Variants in NECTIN1 observed in about 807,000 individuals in gnomAD.
NECTIN1 encodes nectin-1.
A neutral mutation model predicts 48.0 loss-of-function variants in NECTIN1; 23 were observed. The ratio of observed to expected loss-of-function variants is 0.48; its 90% CI spans 0.34 to 0.68. The LOEUF is 0.68. Ranked by LOEUF, NECTIN1 falls within the 30% of genes least tolerant of loss-of-function variation. The pLI is 0.01. For missense variants in NECTIN1, 591 were observed against 709.9 expected (o/e 0.83, Z 1.90); for synonymous variants, 270 against 288.9 (o/e 0.93, Z 0.66).
chr11:119,669,759 GA>G (rs1362291536), intron 5 of NECTIN1, among the ~76,000 whole-genome samples: 1 of 151,986 alleles, frequency 6.6e-6, no homozygotes, highest in Non-Finnish European at 1.5e-5. Context: ...CCTGCCCCCT[GA>G]AAGCCACTTC....
In NECTIN1 at chr11:119,647,382, T is replaced by G. The variant is rs147126663; in HGVS notation, c.1004-7370A>C. Among the ~76,000 whole-genome samples, 776 of 152,086 alleles carry G rather than the reference T, an allele frequency of 5.1e-3. 5 individuals carry two copies. The highest frequency in any genetic ancestry group is 6.8e-3 in the Non-Finnish European group (459 of 67,992). ...TTGTCATTAGGAGTAAGAAGGAACC[T>G]GAGCAAGGCCGACTCTGAACCCCCT... On this transcript the variant is annotated intron_variant, in intron 5 of 7. Coordinates refer to the NECTIN1 transcript ENST00000341398.
At chr11:119,682,171 G>A (rs1865070645) in intron 1 of NECTIN1, among the ~76,000 whole-genome samples, 2 of 152,192 alleles carry the variant, frequency 1.3e-5, no homozygotes, top group Non-Finnish European at 2.9e-5. Context: ...TAGATTGGGA[G>A]GTTTTCAGAC....
intron 4 of NECTIN1, among the ~76,000 whole-genome samples, chr11:119,676,000 C>T (rs1343412665): frequency 1.5e-5 from 2 of 129,260 alleles, no homozygotes; most frequent in East Asian, 2.3e-4. Context: ...AGTGAAAATC[C>T]GTCTCAAAGA....
At position 119,662,646 on chromosome 11, in the gene NECTIN1, A is replaced by C; in HGVS notation, c.*2101T>G. On this transcript the variant is annotated 3_prime_UTR_variant, in exon 6 of 6. Transcript: ENST00000264025. This position sits in a 1 kb window ranked among gnomAD's most constrained non-coding sequence, Gnocchi z 5.3. The stretch of plus-strand genomic sequence containing the variant: ...CTGGGATTGCCTCCTGCCTGGGGGA[A>C]AAGGGGACCAAGCAGAGGGGCCAGA... 2 of 985,590 alleles carry C rather than the reference A, an allele frequency of 2.0e-6. No individual in the cohort carries two copies. Among genetic ancestry groups the C allele is most frequent in the Non-Finnish European group, 2.4e-6 (2 of 829,976 alleles). 61.1% of individuals were successfully genotyped at this position (985,590 alleles called of 1,614,324 possible). A position where few individuals can be genotyped will look rare whatever the true frequency, so the allele number is the denominator to read the frequency against.
intron 5 of NECTIN1, among the ~76,000 whole-genome samples, chr11:119,653,534 G>A (rs371919487): frequency 2.0e-5 from 3 of 152,160 alleles, no homozygotes; most frequent in Admixed American, 2.0e-4. Context: ...GTCGTGGTGC[G>A]AGACGACGTC....
At chr11:119,706,352 G>C (rs1424259802) in intron 1 of NECTIN1, among the ~76,000 whole-genome samples, 1 of 152,208 alleles carries the variant, frequency 6.6e-6, no homozygotes, top group Non-Finnish European at 1.5e-5. Flanking sequence ...ATCCCACAGT[G>C]GGGAGGGCCA....
rs1864655011 is a variant in NECTIN1 at position 119,661,097 on chromosome 11, C to G, written c.*3650G>C. The G allele has an allele frequency of 1.0e-6, 1 of 984,992 alleles. No individual in the cohort carries two copies. Among genetic ancestry groups the G allele is most frequent in the African/African-American group, 1.7e-5 (1 of 57,278 alleles). The allele number at this position is 984,992 out of a possible 1,614,324, so 61.0% of individuals were successfully genotyped here. A position where few individuals can be genotyped will look rare whatever the true frequency, so the allele number is the denominator to read the frequency against. The stretch of plus-strand genomic sequence containing the variant: ...AAGTAAAAGGGGGTGATGCAAACAC[C>G]CCCCAGGTCAGAACCAGGAGGATCT... On this transcript the variant is annotated 3_prime_UTR_variant, in exon 6 of 6. Transcript: ENST00000264025.
At chr11:119,669,818 A>G (rs772142133) in intron 5 of NECTIN1, among the ~76,000 whole-genome samples, 11 of 152,112 alleles carry the variant, frequency 7.2e-5, no homozygotes, top group Non-Finnish European at 1.5e-4. Flanking sequence ...GACACAGCTC[A>G]AATAGCCCCT....
At chr11:119,679,136 A>G (rs951638263) in intron 1 of NECTIN1, among the ~76,000 whole-genome samples, 1 of 152,208 alleles carries the variant, frequency 6.6e-6, no homozygotes. Flanking sequence ...GTTAGTAAAC[A>G]TACGTCTGCA....
chr11:119,706,125 C>A (rs1865545640), intron 1 of NECTIN1, among the ~76,000 whole-genome samples: 1 of 152,242 alleles, frequency 6.6e-6, no homozygotes, highest in African/African-American at 2.4e-5. Flanking sequence ...CTCCTCTCTT[C>A]TTCCACCTTC....
chr11:119,686,246 C>T (rs920327503), intron 1 of NECTIN1, among the ~76,000 whole-genome samples: 1 of 152,208 alleles, frequency 6.6e-6, no homozygotes, highest in Non-Finnish European at 1.5e-5. Context: ...TGCACACCTC[C>T]CTCCACCTCA....
rs909310499 is a variant in NECTIN1 at position 119,661,133 on chromosome 11, C to T, written c.*3614G>A. The T allele has an allele frequency of 1.0e-6, 1 of 985,670 alleles. No individual in the cohort carries two copies. The highest frequency in any genetic ancestry group is 1.1e-4 in the East Asian group (1 of 8,826). 61.1% of individuals were successfully genotyped at this position (985,670 alleles called of 1,614,324 possible). A position where few individuals can be genotyped will look rare whatever the true frequency, so the allele number is the denominator to read the frequency against. On this transcript the variant is annotated 3_prime_UTR_variant, in exon 6 of 6. Coordinates refer to ENST00000264025, the MANE Select transcript of NECTIN1 (RefSeq NM_002855.5). ...GAACCAGGAGGATCTGCTGGGCTGT[C>T]CCTGGACCAAAGGCGGAAAGGGCGA...
intron 1 of NECTIN1, among the ~76,000 whole-genome samples, chr11:119,699,568 T>C (rs1322735482): frequency 1.3e-5 from 2 of 152,186 alleles, no homozygotes; most frequent in African/African-American, 4.8e-5. Flanking sequence ...GAGGCCTGGC[T>C]GGAGTCACAG....
At chr11:119,697,927 A>C (rs1424686322) in intron 1 of NECTIN1, among the ~76,000 whole-genome samples, 1 of 152,264 alleles carries the variant, frequency 6.6e-6, no homozygotes, top group African/African-American at 2.4e-5. Context: ...GCAGAGGCTG[A>C]AGCCCTCGGT....
Position 119,724,483 on chromosome 11 carries a change from A to G in NECTIN1, c.79+3992T>C, listed in dbSNP as rs1169375243. On this transcript the variant is annotated intron_variant, in intron 1 of 5. Coordinates refer to ENST00000264025, the MANE Select transcript of NECTIN1 (RefSeq NM_002855.5). ...CATCATAGAGGCTTCCCACCCCCCA[A>G]AGGACCCGGTAGTGTGTCCTAGAAG... is the stretch of plus-strand genomic sequence containing the variant. Among the ~76,000 whole-genome samples the G allele has an allele frequency of 2.0e-5, 3 of 152,158 alleles. No individual in the cohort carries two copies. In the East Asian group the frequency reaches 5.8e-4, roughly 29 times the overall value.
chr11:119,727,940 G>T lies in NECTIN1; in HGVS notation c.79+535C>A, dbSNP rs1407120698. Among the ~76,000 whole-genome samples the T allele has an allele frequency of 6.6e-6, 1 of 152,162 alleles. No homozygotes were observed. Among genetic ancestry groups the T allele is most frequent in the East Asian group, 1.9e-4 (1 of 5,174 alleles). Reference sequence around the variant, plus strand: ...AGGAGCCGCCTCTGCCGCAGCAGCCGACTCTCCGCGCCCGCTGTGGGGCGG... The same window carrying T: ...AGGAGCCGCCTCTGCCGCAGCAGCCTACTCTCCGCGCCCGCTGTGGGGCGG... On this transcript the variant is annotated intron_variant, in intron 1 of 5. Transcript: ENST00000264025. This position sits in a 1 kb window ranked among gnomAD's most constrained non-coding sequence, Gnocchi z 4.1.
rs1053934574 is a variant in NECTIN1, at chr11:119,661,188, G to C, written c.*3559C>G. The C allele has an allele frequency of 2.2e-5, 22 of 985,732 alleles. 2 individuals carry two copies. The Admixed American group carries it at 1.0e-3, about 47-fold the overall frequency. The allele number at this position is 985,732 out of a possible 1,614,324, so 61.1% of individuals were successfully genotyped here. ...ACGCCGAAGCAAGGTAGCGCATCAC[G>C]CTGGGAGGGGAGGGTGGCAGCTTCT... On this transcript the variant is annotated 3_prime_UTR_variant, in exon 6 of 6. Coordinates refer to ENST00000264025, the MANE Select transcript of NECTIN1 (RefSeq NM_002855.5).
chr11:119,671,891 G>T (rs1328746182), intron 5 of NECTIN1, among the ~76,000 whole-genome samples: 1 of 152,252 alleles, frequency 6.6e-6, no homozygotes, highest in Non-Finnish European at 1.5e-5. Context: ...TCAGAGAATG[G>T]CACGTTGCCA....
At chr11:119,700,364 C>A (rs547445238) in intron 1 of NECTIN1, among the ~76,000 whole-genome samples, 18 of 152,328 alleles carry the variant, frequency 1.2e-4, no homozygotes, top group African/African-American at 4.1e-4. Flanking sequence ...AGGGGCCTGG[C>A]TTGGGAGTCA....
Sources: gnomAD v4.1 joint callset for allele counts (sites outside exome capture counted in the v4.1 genomes callset) on GRCh38, gnomAD v4.1.1 for gene constraint, Gnocchi (gnomAD v3.1) non-coding constraint, MANE v1.5 for transcripts, NCBI Gene and HGNC (gene_info 2026-07-23, HGNC 2026-07-21) for gene names.